WDPCP: variants seen among roughly 807,000 people sequenced by gnomAD.
WDPCP encodes the protein WD repeat-containing and planar cell polarity effector protein fritz homolog.
In WDPCP, 71 loss-of-function variants were observed where a neutral mutation model predicts 93.1. That is an observed-to-expected ratio of 0.76 (90% CI 0.63 to 0.93). WDPCP has a LOEUF of 0.93. WDPCP is among the 40% of genes least tolerant of loss of function. WDPCP has a pLI of 0.00. For missense variants in WDPCP, 844 were observed against 887.4 expected, an observed-to-expected ratio of 0.95 and a Z score of 0.62; for synonymous variants, 315 against 315.0, an observed-to-expected ratio of 1.00 and a Z score of 0.00.
At chr2:63,763,785 G>T (rs1254164787) in intron 2 of WDPCP, among the ~76,000 whole-genome samples, 1 of 152,028 alleles carries the variant, frequency 6.6e-6, no homozygotes, top group South Asian at 2.1e-4. Context: ...CCAAAAAATT[G>T]CTGTTAGAAG....
intron 1 of WDPCP, among the ~76,000 whole-genome samples, chr2:63,553,437 G>A (rs1186896217): frequency 1.3e-5 from 2 of 152,042 alleles, no homozygotes; most frequent in Non-Finnish European, 2.9e-5. Flanking sequence ...GAGGTGTTTT[G>A]TCCTCCAGGA....
At chr2:63,502,870 C>T (rs1701643097) in intron 1 of WDPCP, among the ~76,000 whole-genome samples, 1 of 152,030 alleles carries the variant, frequency 6.6e-6, no homozygotes, top group South Asian at 2.1e-4. Context: ...TAGACCCCAG[C>T]CAGACTGTGG....
At chr2:63,255,978 G>C (rs1444238043) in intron 14 of WDPCP, among the ~76,000 whole-genome samples, 1 of 152,190 alleles carries the variant, frequency 6.6e-6, no homozygotes, top group African/African-American at 2.4e-5. Flanking sequence ...AAAGGAAGAT[G>C]TGGAAGACCA....
intron 1 of WDPCP, among the ~76,000 whole-genome samples, chr2:63,523,889 C>T (rs568004110): frequency 2.0e-5 from 3 of 152,028 alleles, no homozygotes; most frequent in Non-Finnish European, 4.4e-5. Flanking sequence ...CCAGTCTGGG[C>T]AACAAGAGTG....
chr2:63,255,250 A>C (rs1441211504), intron 14 of WDPCP, among the ~76,000 whole-genome samples: 1 of 152,184 alleles, frequency 6.6e-6, no homozygotes, highest in Non-Finnish European at 1.5e-5. Context: ...ACTTCTACTT[A>C]TCTTTATACT....
chr2:63,692,364 A>C (rs956557863), intron 2 of WDPCP, among the ~76,000 whole-genome samples: 4 of 152,208 alleles, frequency 2.6e-5, no homozygotes, highest in African/African-American at 9.6e-5. Flanking sequence ...TAACTTGTTA[A>C]ATTAACTTAG....
At chr2:63,259,430 A>G (rs772498400) in intron 13 of WDPCP, 21 bp from the exon 14 acceptor site, 10 of 1,585,110 alleles carry the variant, frequency 6.3e-6, no homozygotes, top group Non-Finnish European at 8.6e-6. Flanking sequence ...AAAGCAAAAT[A>G]AAAGATTGAT....
chr2:63,176,531 C>T (rs1673821228), intron 14 of WDPCP, among the ~76,000 whole-genome samples: 1 of 152,138 alleles, frequency 6.6e-6, no homozygotes, highest in Non-Finnish European at 1.5e-5. Context: ...GTAATCCTGC[C>T]TCCCAAAGTG....
At chr2:63,682,399 A>G (rs1199690429) in intron 2 of WDPCP, among the ~76,000 whole-genome samples, 1 of 152,248 alleles carries the variant, frequency 6.6e-6, no homozygotes, top group Non-Finnish European at 1.5e-5. Context: ...GGCATACTGA[A>G]GAACGCATCA....
intron 14 of WDPCP, among the ~76,000 whole-genome samples, chr2:63,218,984 CTT>C (rs1490578934): frequency 6.6e-6 from 1 of 152,144 alleles, no homozygotes; most frequent in African/African-American, 2.4e-5. Context: ...GAATGCTTTT[CTT>C]TGTCCTCAAC....
At chr2:63,487,580 T>A in intron 2 of WDPCP, 86 bp from the exon 3 acceptor site, 1 of 990,130 alleles carries the variant, frequency 1.0e-6, no homozygotes, top group Admixed American at 2.1e-5. Flanking sequence ...AGGGGAAGGA[T>A]AGGGAGAAAA....
At chr2:63,162,115 C>T (rs62180320) in intron 15 of WDPCP, among the ~76,000 whole-genome samples, 22,405 of 152,064 alleles carry the variant, frequency 0.15, 1,987 homozygotes, top group Non-Finnish European at 0.21. Flanking sequence ...TCAGTTTGAT[C>T]TGGAGAGTGG....
intron 2 of WDPCP, among the ~76,000 whole-genome samples, chr2:63,688,437 A>C (rs1371828380): frequency 1.3e-5 from 2 of 152,044 alleles, no homozygotes; most frequent in African/African-American, 4.8e-5. Context: ...AAAAAAAAAA[A>C]AAGTTAAAAC....
At chr2:63,170,932 T>C (rs572544556) in intron 15 of WDPCP, among the ~76,000 whole-genome samples, 2 of 152,252 alleles carry the variant, frequency 1.3e-5, no homozygotes, top group Non-Finnish European at 2.9e-5. Flanking sequence ...AGTCAGTTGA[T>C]TTTTGATGAA....
chr2:63,561,534 A>T (rs895736435), intron 1 of WDPCP, among the ~76,000 whole-genome samples: 8 of 152,014 alleles, frequency 5.3e-5, no homozygotes, highest in Non-Finnish European at 7.4e-5. Flanking sequence ...GACAAATGGG[A>T]TCTAATGAAA....
chr2:63,380,665 G>C (rs927675695), intron 11 of WDPCP, among the ~76,000 whole-genome samples: 5 of 152,172 alleles, frequency 3.3e-5, no homozygotes, highest in African/African-American at 4.8e-5. Context: ...AGGCATTGCA[G>C]TGAGAAGAGA....
At chr2:63,423,659 T>C (rs10171190) in intron 9 of WDPCP, among the ~76,000 whole-genome samples, 71,819 of 151,990 alleles carry the variant, frequency 0.47, 17,577 homozygotes, top group African/African-American at 0.59. Context: ...CCTGCTTAGA[T>C]ACTAAAGGGC....
intron 1 of WDPCP, among the ~76,000 whole-genome samples, chr2:63,499,091 T>C (rs1367410703): frequency 1.3e-5 from 2 of 152,240 alleles, no homozygotes; most frequent in African/African-American, 4.8e-5. Flanking sequence ...AATGGGCCTC[T>C]ACTATCAAAC....
At chr2:63,460,049 A>C (rs1468850641) in intron 6 of WDPCP, among the ~76,000 whole-genome samples, 1 of 152,232 alleles carries the variant, frequency 6.6e-6, no homozygotes, top group African/African-American at 2.4e-5. Context: ...TTATCACAGC[A>C]CTATTCATAA....
Sources: gnomAD v4.1 joint callset for allele counts (sites outside exome capture counted in the v4.1 genomes callset) on GRCh38, gnomAD v4.1.1 for gene constraint, MANE v1.5 for transcripts, NCBI Gene and HGNC (gene_info 2026-07-23, HGNC 2026-07-21) for gene names.